Variants in PSD3 observed in about 807,000 individuals in gnomAD.
The protein encoded by PSD3 is pleckstrin and Sec7 domain containing 3.
PSD3 carries 49 observed loss-of-function variants against 105.5 expected under a neutral mutation model. That is an observed-to-expected ratio of 0.46 (90% CI 0.37 to 0.59). PSD3 has a LOEUF of 0.59. Ranked by LOEUF, PSD3 falls within the 20% of genes least tolerant of loss-of-function variation. The pLI is 0.00. For missense variants in PSD3, 1,561 were observed against 1,263.8 expected (o/e 1.24, Z -3.57); for synonymous variants, 557 against 457.8 (o/e 1.22, Z -2.77).
intron 14 of PSD3, among the ~76,000 whole-genome samples, chr8:18,567,249 C>A (rs1479792474): frequency 1.9e-5 from 2 of 106,636 alleles, no homozygotes; most frequent in Non-Finnish European, 3.8e-5. Context: ...ATTAATAGAG[C>A]AAAACTCAAT....
In PSD3 at chr8:18,765,551, C is replaced by A; in HGVS notation, c.2083-13G>T. 2 of 1,538,804 alleles carry A rather than the reference C, an allele frequency of 1.3e-6. No individual in the cohort carries two copies. The highest frequency in any genetic ancestry group is 1.8e-6 in the Non-Finnish European group (2 of 1,111,760). ...TCTTTCCAATATTCTGAAACAGAGG[C>A]AAACAGTACATCACTATGACATTCA... is the stretch of plus-strand genomic sequence containing the variant. On this transcript the variant is annotated splice_polypyrimidine_tract_variant and intron_variant, in intron 8 of 15. Coordinates refer to ENST00000327040, the MANE Select transcript of PSD3 (RefSeq NM_015310.4).
rs529467592 is a variant in PSD3 at position 18,692,068 on chromosome 8, G to A, written c.2173-36383C>T. On this transcript the variant is annotated intron_variant, in intron 9 of 15. Transcript: ENST00000327040. ...CCTTAATAATGTCAAGCCATATTTA[G>A]TTTCATCAAAAAAGGGTGACCATTT... Among the ~76,000 whole-genome samples, 69 of 152,162 alleles carry A rather than the reference G, an allele frequency of 4.5e-4. 1 individual carries two copies. The South Asian group carries it at 0.013, about 28-fold the overall frequency.
chr8:18,713,165 C>T (rs979744715), intron 9 of PSD3, among the ~76,000 whole-genome samples: 2 of 152,086 alleles, frequency 1.3e-5, no homozygotes, highest in African/African-American at 2.4e-5. Flanking sequence ...ATGACAAACC[C>T]ACAGCCAGTA....
intron 1 of PSD3, among the ~76,000 whole-genome samples, chr8:18,959,935 G>A (rs1823809223): frequency 1.3e-5 from 2 of 152,142 alleles, no homozygotes; most frequent in Non-Finnish European, 2.9e-5. Flanking sequence ...GAAACATGAG[G>A]CCAGGGAAAT....
intron 9 of PSD3, among the ~76,000 whole-genome samples, chr8:18,674,324 G>C (rs551542821): frequency 1.4e-3 from 217 of 152,306 alleles, no homozygotes; most frequent in Non-Finnish European, 2.3e-3. Flanking sequence ...TGTGGGGACA[G>C]ATTGATCTAT....
intron 9 of PSD3, among the ~76,000 whole-genome samples, chr8:18,674,552 T>A (rs1306621446): frequency 6.6e-6 from 1 of 152,106 alleles, no homozygotes; most frequent in Non-Finnish European, 1.5e-5. Flanking sequence ...AATTTAAGAG[T>A]TAAGTTTTTT....
chr8:19,013,333 C>G (rs1827041720), intron 1 of PSD3, among the ~76,000 whole-genome samples: 1 of 151,894 alleles, frequency 6.6e-6, no homozygotes, highest in Non-Finnish European at 1.5e-5. Flanking sequence ...GAGGTATGAA[C>G]TAAAACCCCT....
intron 8 of PSD3, among the ~76,000 whole-genome samples, chr8:18,779,501 T>G (rs1446846760): frequency 2.0e-5 from 3 of 152,162 alleles, no homozygotes; most frequent in African/African-American, 7.2e-5. Flanking sequence ...TCTGGTTTGT[T>G]CTTGCTTTTC....
chr8:18,633,976 G>A (rs1235036079), intron 10 of PSD3, among the ~76,000 whole-genome samples: 4 of 151,976 alleles, frequency 2.6e-5, no homozygotes, highest in African/African-American at 7.2e-5. Context: ...GTGTCAGATG[G>A]TATCTCATTG....
chr8:18,576,502 C>G (rs1802471133), intron 12 of PSD3, among the ~76,000 whole-genome samples: 1 of 152,082 alleles, frequency 6.6e-6, no homozygotes, highest in South Asian at 2.1e-4. Flanking sequence ...ATTCATAAAA[C>G]TATAATCTAG....
chr8:18,964,510 A>ATTT (rs545600473), intron 1 of PSD3, among the ~76,000 whole-genome samples: 9 of 145,952 alleles, frequency 6.2e-5, no homozygotes, highest in African/African-American at 2.2e-4. Flanking sequence ...AACCTGGAGC[A>ATTT]TTTTTTTTTT....
At chr8:18,974,043 A>G (rs1824795043) in intron 1 of PSD3, among the ~76,000 whole-genome samples, 1 of 152,228 alleles carries the variant, frequency 6.6e-6, no homozygotes, top group East Asian at 1.9e-4. Context: ...GTAGCCTACA[A>G]TACAAATGAT....
At chr8:18,677,408 T>C (rs1457028522) in intron 9 of PSD3, among the ~76,000 whole-genome samples, 1 of 151,548 alleles carries the variant, frequency 6.6e-6, no homozygotes, top group Non-Finnish European at 1.5e-5. Context: ...CAAAAACCCA[T>C]CTCTATTAAA....
chr8:18,699,066 C>T (rs1401224651), intron 9 of PSD3, among the ~76,000 whole-genome samples: 1 of 152,092 alleles, frequency 6.6e-6, no homozygotes, highest in Non-Finnish European at 1.5e-5. Context: ...CCACCTAAAT[C>T]CCTTCTTCCT....
At position 18,815,485 on chromosome 8, in the gene PSD3, A is replaced by T. The variant is rs370585806; in HGVS notation, c.1635-10587T>A. Among the ~76,000 whole-genome samples, 126 of 151,906 alleles carry T rather than the reference A, an allele frequency of 8.3e-4. 2 individuals carry two copies. In the South Asian group the frequency reaches 0.026, roughly 31 times the overall value. On this transcript the variant is annotated intron_variant, in intron 4 of 15. Transcript: ENST00000327040. ...CCCCATGCCTGGCTAATTTTTTTGTATTTTTAGTAGAGATGGGGTTTCACC... is the reference window on the plus strand; with the variant it reads ...CCCCATGCCTGGCTAATTTTTTTGTTTTTTTAGTAGAGATGGGGTTTCACC...
intron 1 of PSD3, among the ~76,000 whole-genome samples, chr8:18,956,669 A>G (rs1823592044): frequency 6.6e-6 from 1 of 152,174 alleles, no homozygotes; most frequent in Non-Finnish European, 1.5e-5. Context: ...TGTCACTTTA[A>G]TATTTTCTCA....
intron 8 of PSD3, among the ~76,000 whole-genome samples, chr8:18,773,966 C>G (rs958936485): frequency 6.6e-6 from 1 of 152,102 alleles, no homozygotes; most frequent in Non-Finnish European, 1.5e-5. Flanking sequence ...AATTTATTCT[C>G]TAATATCTTG....
At chr8:18,703,573 T>A (rs569012481) in intron 9 of PSD3, among the ~76,000 whole-genome samples, 31 of 152,118 alleles carry the variant, frequency 2.0e-4, no homozygotes, top group African/African-American at 7.2e-4. Flanking sequence ...AGAAAAGAGA[T>A]CCCATATAGA....
At chr8:18,974,074 T>C (rs1042446578) in intron 1 of PSD3, among the ~76,000 whole-genome samples, 3 of 152,170 alleles carry the variant, frequency 2.0e-5, no homozygotes, top group Non-Finnish European at 2.9e-5. Flanking sequence ...CATTTACCAA[T>C]AGAAAATCAC....
Sources: gnomAD v4.1 joint callset for allele counts (sites outside exome capture counted in the v4.1 genomes callset) on GRCh38, gnomAD v4.1.1 for gene constraint, MANE v1.5 for transcripts, NCBI Gene and HGNC (gene_info 2026-07-23, HGNC 2026-07-21) for gene names.